The following PRKAR1B variants were observed in gnomAD, a reference collection of about 807,000 sequenced individuals.
PRKAR1B encodes the protein cAMP-dependent protein kinase type I-beta regulatory subunit.
A neutral mutation model predicts 46.5 loss-of-function variants in PRKAR1B; 22 were observed. The ratio of observed to expected loss-of-function variants is 0.47; its 90% CI spans 0.34 to 0.68. The LOEUF (loss-of-function observed/expected upper bound fraction) is 0.68, where lower values mean the gene tolerates loss of function less well. PRKAR1B is among the 30% of genes least tolerant of loss of function. The pLI, the probability that PRKAR1B is intolerant of heterozygous loss-of-function variation, is 0.01. For missense variants in PRKAR1B, 445 were observed against 535.6 expected, an observed-to-expected ratio of 0.83 and a Z score of 1.67; for synonymous variants, 259 against 217.7, an observed-to-expected ratio of 1.19 and a Z score of -1.67.
chr7:580,542 A>G (rs1780113664), intron 8 of PRKAR1B, among the ~76,000 whole-genome samples: 1 of 152,240 alleles, frequency 6.6e-6, no homozygotes, highest in South Asian at 2.1e-4. Context: ...TATACGTTCT[A>G]CTATTTTAGG....
intron 7 of PRKAR1B, among the ~76,000 whole-genome samples, chr7:587,389 G>A (rs1241026220): frequency 6.6e-6 from 1 of 152,228 alleles, no homozygotes; most frequent in Non-Finnish European, 1.5e-5. Context: ...ACAACTCAGA[G>A]GGCCGAGGAG....
chr7:610,364 G>A (rs1782408735), intron 4 of PRKAR1B, among the ~76,000 whole-genome samples: 1 of 152,144 alleles, frequency 6.6e-6, no homozygotes, highest in South Asian at 2.1e-4. Flanking sequence ...CCTGGGCGTG[G>A]CCCCGCTCAG....
intron 6 of PRKAR1B, among the ~76,000 whole-genome samples, chr7:604,775 T>C (rs1781908185): frequency 6.6e-6 from 1 of 152,068 alleles, no homozygotes; most frequent in South Asian, 2.1e-4. Flanking sequence ...GACCTCGAAA[T>C]AGCTCGTGCT....
At chr7:622,406 AAAAG>A (rs1583315278) in intron 4 of PRKAR1B, among the ~76,000 whole-genome samples, 3 of 152,378 alleles carry the variant, frequency 2.0e-5, no homozygotes. Context: ...GCCTGAGGCT[AAAAG>A]AAATAAAGAA....
At chr7:607,254 T>A (rs1213174724) in intron 5 of PRKAR1B, 137 bp downstream of exon 5, 2 of 708,274 alleles carry the variant, frequency 2.8e-6, no homozygotes, top group Non-Finnish European at 4.6e-6. Context: ...CCTCAGGTGA[T>A]CTGCCCACCT....
Position 560,830 on chromosome 7 carries a change from G to A in PRKAR1B, c.892-9360C>T, listed in dbSNP as rs536620329. On this transcript the variant is annotated intron_variant, in intron 9 of 10. Coordinates refer to ENST00000537384, the MANE Select transcript of PRKAR1B (RefSeq NM_001164760.2). This position sits in a 1 kb window ranked among gnomAD's most constrained non-coding sequence, Gnocchi z 4.2. ...ATGAGGGCGGCGGCCATGAGTGAAC[G>A]TAAGAGTGGACAGACACCAAATGCC... is the stretch of plus-strand genomic sequence containing the variant. 1.3e-5 allele frequency among the ~76,000 whole-genome samples: 2 copies of A among 152,338 alleles called. No individual in the cohort carries two copies. The highest frequency in any genetic ancestry group is 2.1e-4 in the South Asian group (1 of 4,826).
intron 4 of PRKAR1B, among the ~76,000 whole-genome samples, chr7:630,258 G>A (rs1350403416): frequency 1.3e-5 from 2 of 152,234 alleles, no homozygotes; most frequent in African/African-American, 4.8e-5. Flanking sequence ...CTCCTAGCAG[G>A]TGAGCAGCTG....
chr7:578,866 G>C (rs1452896821), intron 9 of PRKAR1B: 1 of 347,878 alleles, frequency 2.9e-6, no homozygotes, highest in Admixed American at 5.1e-5. Context: ...ATTTTTAGTA[G>C]AGACGGGGTT....
intron 9 of PRKAR1B, among the ~76,000 whole-genome samples, chr7:556,921 A>G (rs4076753): frequency 0.34 from 52,099 of 152,080 alleles, 9,105 homozygotes; most frequent in East Asian, 0.42. Context: ...GGTACTGAAG[A>G]GTCCCCGTGC....
intron 4 of PRKAR1B, among the ~76,000 whole-genome samples, chr7:612,741 A>G (rs1311082848): frequency 1.3e-5 from 2 of 149,420 alleles, no homozygotes; most frequent in Admixed American, 1.3e-4. Flanking sequence ...TCAGTTCCAC[A>G]TTTAGGAACT....
At chr7:551,269 C>T (rs1784174248) in intron 10 of PRKAR1B, 120 bp downstream of exon 10, 1 of 932,106 alleles carries the variant, frequency 1.1e-6, no homozygotes. Context: ...GGGGCTCAGC[C>T]AAGCCCCACT....
At chr7:622,222 A>G (rs2128474305) in intron 4 of PRKAR1B, among the ~76,000 whole-genome samples, 1 of 152,350 alleles carries the variant, frequency 6.6e-6, no homozygotes. Context: ...ATGGGCACCC[A>G]CAGCCCCTCA....
intron 2 of PRKAR1B, among the ~76,000 whole-genome samples, chr7:690,222 G>C (rs1326630129): frequency 6.6e-6 from 1 of 151,834 alleles, no homozygotes; most frequent in Non-Finnish European, 1.5e-5. Flanking sequence ...CTTGAACCCA[G>C]GAGGCAGACG....
intron 1 of PRKAR1B, chr7:712,645 T>C (rs1583454248): frequency 2.5e-5 from 1 of 40,338 alleles, no homozygotes; most frequent in African/African-American, 9.3e-5. Flanking sequence ...CCCCCGGCTC[T>C]CCCCGCCCCC....
intron 2 of PRKAR1B, among the ~76,000 whole-genome samples, chr7:700,536 A>T (rs757284892): frequency 7.9e-5 from 12 of 152,230 alleles, no homozygotes; most frequent in Non-Finnish European, 1.8e-4. Flanking sequence ...ATGGCTGACA[A>T]GCTTCAGATG....
chr7:722,274 G>A (rs1781101964), intron 1 of PRKAR1B, among the ~76,000 whole-genome samples: 1 of 151,912 alleles, frequency 6.6e-6, no homozygotes, highest in Admixed American at 6.6e-5. Flanking sequence ...GCTAATTTTT[G>A]TATTTTTAGT....
rs748750722 is a variant in PRKAR1B at position 727,231 on chromosome 7, C to A, written c.-44G>T. On this transcript the variant is annotated 5_prime_UTR_variant, in exon 1 of 11. Transcript: ENST00000537384. ...CCACCTGGACGACGCTCTGCGCGCG[C>A]TGCGCTGCTCCCTGCTCGACCCCTT... is the stretch of plus-strand genomic sequence containing the variant. 3.7e-6 allele frequency: 5 copies of A among 1,342,112 alleles called. No individual in the cohort carries two copies. The highest frequency in any genetic ancestry group is 4.8e-6 in the Non-Finnish European group (5 of 1,047,538). The allele number at this position is 1,342,112 out of a possible 1,614,324, so 83.1% of individuals were successfully genotyped here.
intron 4 of PRKAR1B, 33 bp downstream of exon 4, chr7:677,196 G>A (rs762405803): frequency 1.0e-5 from 16 of 1,606,110 alleles, no homozygotes; most frequent in South Asian, 2.2e-5. Flanking sequence ...GGAGGGCGGC[G>A]GTGATGCCGG....
rs750247310 is a variant in PRKAR1B at position 577,891 on chromosome 7, G to A, written c.891+1365C>T. Among the ~76,000 whole-genome samples the A allele has an allele frequency of 5.9e-5, 9 of 152,224 alleles. No individual in the cohort carries two copies. The East Asian group carries it at 1.2e-3, about 20-fold the overall frequency. On this transcript the variant is annotated intron_variant, in intron 9 of 10. Transcript: ENST00000537384. ...CGGAGCCGCTCCCGCTAGGCAGTGC[G>A]CTGAGGGTAGCAGCTCAGGGCGCTT...
Sources: gnomAD v4.1 joint callset for allele counts (sites outside exome capture counted in the v4.1 genomes callset) on GRCh38, gnomAD v4.1.1 for gene constraint, Gnocchi (gnomAD v3.1) non-coding constraint, MANE v1.5 for transcripts, NCBI Gene and HGNC (gene_info 2026-07-23, HGNC 2026-07-21) for gene names.